The following CNOT10 variants were observed in gnomAD, a reference collection of about 807,000 sequenced individuals.
CNOT10 encodes CCR4-NOT transcription complex, subunit 10.
Under a neutral mutation model 94.6 loss-of-function variants are expected in CNOT10, and 30 were observed. The observed-to-expected ratio is 0.32, with a 90% confidence interval of 0.24 to 0.43. The LOEUF (loss-of-function observed/expected upper bound fraction) is 0.43. Among genes scored for constraint, CNOT10 ranks in the 20% least tolerant of loss-of-function variants. The pLI is 1.00. For synonymous variants in CNOT10, 289 were observed against 301.6 expected (o/e 0.96, Z 0.43); for missense variants, 759 against 877.2 (o/e 0.87, Z 1.70).
intron 4 of CNOT10, among the ~76,000 whole-genome samples, chr3:32,710,080 G>A (rs990097258): frequency 1.3e-5 from 2 of 148,386 alleles, no homozygotes; most frequent in African/African-American, 5.0e-5. Flanking sequence ...CCGAGAGGCC[G>A]AGGTTGCAGT....
chr3:32,708,801 T>C lies in CNOT10; in HGVS notation c.411T>C (p.Tyr137=), dbSNP rs1288692662. 1 of 1,612,418 alleles carries C rather than the reference T, an allele frequency of 6.2e-7. No homozygotes were observed. The highest frequency in any genetic ancestry group is 1.3e-5 in the African/African-American group (1 of 74,918). Residue 137 remains tyrosine, a synonymous_variant, in exon 4 of 19, where the codon TAT becomes TAC. Coordinates refer to ENST00000328834, the MANE Select transcript of CNOT10 (RefSeq NM_015442.3). The part of the protein sequence containing the change: ...TEAISVGEKL[Y]QFIEPFEEKF... ...CCATATCAGTTGGTGAAAAACTTTA[T>C]CAGTTCATAGAGCCTTTTGGTATGT...
chr3:32,704,047 A>G lies in CNOT10; in HGVS notation c.117+85A>G, dbSNP rs542693660. 238 of 771,612 alleles carry G rather than the reference A, an allele frequency of 3.1e-4. No homozygotes were observed. In the African/African-American group the frequency reaches 3.2e-3, roughly 10 times the overall value. 47.8% of individuals were successfully genotyped at this position (771,612 alleles called of 1,614,324 possible). ...TTCATAGTGAATTTTTAAATTTACA[A>G]TTTTTACTCTGTAATAATTCAAAAG... On this transcript the variant is annotated intron_variant, in intron 2 of 18. Transcript: ENST00000328834.
intron 17 of CNOT10, 111 bp from the exon 18 acceptor site, chr3:32,769,776 A>G (rs947889058): frequency 1.9e-5 from 15 of 803,020 alleles, no homozygotes; most frequent in Non-Finnish European, 3.0e-5. Flanking sequence ...CTAGGAAGTC[A>G]CGTGGGAATG....
At chr3:32,747,802 G>T (rs1335665053) in intron 13 of CNOT10, among the ~76,000 whole-genome samples, 8 of 152,142 alleles carry the variant, frequency 5.3e-5, no homozygotes, top group African/African-American at 1.9e-4. Flanking sequence ...ACAAAAATTA[G>T]CTGGGCGTAG....
At position 32,705,707 on chromosome 3, in the gene CNOT10, A is replaced by G. The variant is rs563352979; in HGVS notation, c.279+735A>G. ...CATGAACTCAGTTGTATTTAACTCT[A>G]TAGCCTGTAATTTTAGTTACTGCTT... On this transcript the variant is annotated intron_variant, in intron 3 of 18. Coordinates refer to ENST00000328834, the MANE Select transcript of CNOT10 (RefSeq NM_015442.3). Among the ~76,000 whole-genome samples the G allele has an allele frequency of 1.1e-4, 17 of 152,288 alleles. No individual in the cohort carries two copies. The East Asian group carries it at 2.3e-3, about 21-fold the overall frequency.
At chr3:32,689,242 A>G (rs1354211712) in intron 1 of CNOT10, among the ~76,000 whole-genome samples, 3 of 151,756 alleles carry the variant, frequency 2.0e-5, no homozygotes, top group South Asian at 2.1e-4. Context: ...ATTCCCAGCT[A>G]CTCGGGAGGC....
chr3:32,739,879 C>G (rs1030916106), intron 13 of CNOT10, among the ~76,000 whole-genome samples: 4 of 151,904 alleles, frequency 2.6e-5, no homozygotes, highest in African/African-American at 9.7e-5. Context: ...AAGCCAAGAC[C>G]GCGCCGTTGC....
At chr3:32,727,979 T>TTTTATTTATTTATTTATTTATTTATTTA (rs150924656) in intron 10 of CNOT10, 109 bp downstream of exon 10, 10 of 570,390 alleles carry the variant, frequency 1.8e-5, no homozygotes, top group African/African-American at 1.2e-4. Flanking sequence ...ACATTTCTCT[T>TTTTATTTATTTATTTATTTATTTATTTA]TTTATTTATT....
intron 13 of CNOT10, among the ~76,000 whole-genome samples, chr3:32,743,417 G>A (rs1699558498): frequency 6.6e-6 from 1 of 152,018 alleles, no homozygotes; most frequent in Non-Finnish European, 1.5e-5. Context: ...ATCGCCTGAG[G>A]TCAAGAGTTC....
chr3:32,745,290 TGTA>T (rs980100851), intron 13 of CNOT10, among the ~76,000 whole-genome samples: 28 of 151,760 alleles, frequency 1.8e-4, no homozygotes, highest in African/African-American at 6.5e-4. Flanking sequence ...AAAAAATTAT[TGTA>T]GTTTTTTTTA....
intron 6 of CNOT10, among the ~76,000 whole-genome samples, chr3:32,716,658 T>G (rs1004812080): frequency 4.8e-4 from 73 of 152,280 alleles, no homozygotes; most frequent in African/African-American, 1.8e-3. Context: ...GTTTTTTGTT[T>G]GTTTTTTGAG....
chr3:32,693,610 C>T (rs575202605), intron 1 of CNOT10: 52 of 151,188 alleles, frequency 3.4e-4, no homozygotes, highest in African/African-American at 1.3e-3. Context: ...GGCATGAACA[C>T]TGCTCACTGC....
chr3:32,702,917 T>G (rs1432984080), intron 1 of CNOT10, among the ~76,000 whole-genome samples: 5 of 124,956 alleles, frequency 4.0e-5, no homozygotes, highest in Admixed American at 7.9e-5. Flanking sequence ...TTTTTTGTTG[T>G]TTTTTTTTTT....
chr3:32,757,170 A>ATTTTTTTTTTTTTTTTTT (rs1173513009), intron 13 of CNOT10, among the ~76,000 whole-genome samples: 1 of 78,294 alleles, frequency 1.3e-5, no homozygotes, highest in African/African-American at 5.6e-5. Context: ...CCCTGAACTA[A>ATTTTTTTTTTTTTTTTTT]TTTTTTTTTT....
At chr3:32,766,118 G>T (rs147961242) in intron 17 of CNOT10, among the ~76,000 whole-genome samples, 4,256 of 43,402 alleles carry the variant, frequency 0.098, 1,830 homozygotes, top group East Asian at 0.2. Context: ...CACTTCTCCT[G>T]CGTCAGCCTC....
Sources: gnomAD v4.1 joint callset for allele counts (sites outside exome capture counted in the v4.1 genomes callset) on GRCh38, gnomAD v4.1.1 for gene constraint, MANE v1.5 for transcripts, NCBI Gene and HGNC (gene_info 2026-07-23, HGNC 2026-07-21) for gene names.